UNC5D: variants seen among roughly 807,000 people sequenced by gnomAD.
UNC5D encodes netrin receptor UNC5D.
A neutral mutation model predicts 105.4 loss-of-function variants in UNC5D; 39 were observed. The ratio of observed to expected loss-of-function variants is 0.37; its 90% CI spans 0.29 to 0.48. The LOEUF is 0.48. Among genes scored for constraint, UNC5D ranks in the 20% least tolerant of loss-of-function variants. The pLI, the probability that UNC5D is intolerant of heterozygous loss-of-function variation, is 0.98. For synonymous variants in UNC5D, 452 were observed against 450.4 expected (o/e 1.00, Z -0.04); for missense variants, 991 against 1,202.4 (o/e 0.82, Z 2.60).
chr8:35,635,574 A>G (rs1388314629), intron 4 of UNC5D, among the ~76,000 whole-genome samples: 3 of 152,126 alleles, frequency 2.0e-5, no homozygotes, highest in Admixed American at 1.3e-4. Flanking sequence ...AAATCATTTT[A>G]ACAACACTGA....
Position 35,426,159 on chromosome 8 carries a change from AT to A in UNC5D, c.104-123132del, listed in dbSNP as rs1367309656. On this transcript the variant is annotated intron_variant, in intron 1 of 16. Coordinates refer to ENST00000404895, the MANE Select transcript of UNC5D (RefSeq NM_080872.4). Reference sequence around the variant, plus strand: ...ATAAGAACTCTTCAAGTGTTTGACAATAAGACGTGGATTCTTCCCACCACCA... The same window carrying A: ...ATAAGAACTCTTCAAGTGTTTGACAAAAGACGTGGATTCTTCCCACCACCA... Among the ~76,000 whole-genome samples the A allele has an allele frequency of 5.3e-5, 8 of 152,268 alleles. No homozygotes were observed. The East Asian group carries it at 1.5e-3, about 29-fold the overall frequency.
chr8:35,753,219 T>A (rs1008518567), intron 13 of UNC5D, among the ~76,000 whole-genome samples: 1 of 152,180 alleles, frequency 6.6e-6, no homozygotes, highest in African/African-American at 2.4e-5. Flanking sequence ...AGGGAGAATG[T>A]TATTCTCCCT....
chr8:35,542,100 C>T (rs758718652), intron 1 of UNC5D, among the ~76,000 whole-genome samples: 8 of 152,168 alleles, frequency 5.3e-5, no homozygotes, highest in South Asian at 2.1e-4. Flanking sequence ...TGATATAAAA[C>T]GCTTCCATTT....
chr8:35,486,807 C>T (rs954764735), intron 1 of UNC5D, among the ~76,000 whole-genome samples: 9 of 152,040 alleles, frequency 5.9e-5, no homozygotes, highest in African/African-American at 9.7e-5. Flanking sequence ...GTGGCTACTC[C>T]GTATATTAGT....
At chr8:35,645,115 G>A (rs923327218) in intron 4 of UNC5D, among the ~76,000 whole-genome samples, 2 of 152,048 alleles carry the variant, frequency 1.3e-5, no homozygotes, top group African/African-American at 4.8e-5. Context: ...GTTCACACAC[G>A]CAGATTACAA....
intron 11 of UNC5D, among the ~76,000 whole-genome samples, chr8:35,743,508 C>A (rs1829862476): frequency 6.6e-6 from 1 of 151,688 alleles, no homozygotes; most frequent in African/African-American, 2.4e-5. Context: ...GAACTCCTGA[C>A]CTCGAGTGAT....
chr8:35,506,529 A>T (rs1047178070), intron 1 of UNC5D, among the ~76,000 whole-genome samples: 1 of 152,250 alleles, frequency 6.6e-6, no homozygotes, highest in Admixed American at 6.5e-5. Context: ...ATAATCATTC[A>T]GTGTCAGAGA....
chr8:35,494,789 C>A (rs914643332), intron 1 of UNC5D, among the ~76,000 whole-genome samples: 3 of 152,092 alleles, frequency 2.0e-5, no homozygotes, highest in Non-Finnish European at 4.4e-5. Flanking sequence ...GATTTTAGTT[C>A]TTTATCTTTC....
intron 4 of UNC5D, among the ~76,000 whole-genome samples, chr8:35,678,416 A>C (rs1253054112): frequency 1.3e-5 from 2 of 152,230 alleles, no homozygotes; most frequent in Non-Finnish European, 2.9e-5. Flanking sequence ...ACTGTGCTAC[A>C]TGATAAATAA....
intron 1 of UNC5D, among the ~76,000 whole-genome samples, chr8:35,462,378 A>G (rs1387265615): frequency 1.3e-5 from 2 of 152,166 alleles, no homozygotes; most frequent in Non-Finnish European, 2.9e-5. Flanking sequence ...TAATTTATAA[A>G]TATGGTAGAT....
At chr8:35,607,672 A>C (rs2130961265) in intron 4 of UNC5D, among the ~76,000 whole-genome samples, 1 of 152,216 alleles carries the variant, frequency 6.6e-6, no homozygotes, top group South Asian at 2.1e-4. Context: ...TAGTTTTATA[A>C]GGGGCTTTTT....
At chr8:35,369,951 CCT>C (rs1802334442) in intron 1 of UNC5D, among the ~76,000 whole-genome samples, 1 of 151,948 alleles carries the variant, frequency 6.6e-6, no homozygotes, top group African/African-American at 2.4e-5. Context: ...ACCTTTGTAT[CCT>C]CTCTCCTTCC....
intron 1 of UNC5D, among the ~76,000 whole-genome samples, chr8:35,239,519 T>G (rs937723729): frequency 2.6e-5 from 4 of 151,224 alleles, no homozygotes; most frequent in Admixed American, 6.6e-5. Flanking sequence ...ATATCTAGGC[T>G]AGAGACTCAG....
chr8:35,472,119 A>G (rs1395473865), intron 1 of UNC5D, among the ~76,000 whole-genome samples: 2 of 152,344 alleles, frequency 1.3e-5, no homozygotes, highest in Admixed American at 6.5e-5. Context: ...GATCAAATCT[A>G]TTGTAAGAAG....
intron 1 of UNC5D, among the ~76,000 whole-genome samples, chr8:35,296,482 C>T (rs57265993): frequency 0.1 from 15,251 of 152,086 alleles, 888 homozygotes; most frequent in East Asian, 0.21. Context: ...TGCAGTGGCA[C>T]AATCTCGGCT....
chr8:35,696,014 T>C (rs547674224), intron 7 of UNC5D, among the ~76,000 whole-genome samples: 17 of 152,028 alleles, frequency 1.1e-4, no homozygotes, highest in South Asian at 6.2e-4. Context: ...GGATTACAGG[T>C]GGTAGAAAAT....
intron 9 of UNC5D, chr8:35,724,084 C>T (rs16884304): frequency 0.018 from 24,500 of 1,351,414 alleles, 1,111 homozygotes; most frequent in African/African-American, 0.17. Context: ...CAGCGTGTTC[C>T]GTGGAGCACC....
At chr8:35,371,025 A>T (rs1802399849) in intron 1 of UNC5D, among the ~76,000 whole-genome samples, 1 of 152,150 alleles carries the variant, frequency 6.6e-6, no homozygotes, top group East Asian at 1.9e-4. Context: ...GCAGTTCAAT[A>T]CAGCAAGACC....
At chr8:35,682,003 C>T (rs1586420867) in intron 4 of UNC5D, among the ~76,000 whole-genome samples, 2 of 152,258 alleles carry the variant, frequency 1.3e-5, no homozygotes, top group African/African-American at 2.4e-5. Flanking sequence ...CTCGCTCTGT[C>T]GCCCAGGCTG....
Sources: gnomAD v4.1 joint callset for allele counts (sites outside exome capture counted in the v4.1 genomes callset) on GRCh38, gnomAD v4.1.1 for gene constraint, MANE v1.5 for transcripts, NCBI Gene and HGNC (gene_info 2026-07-23, HGNC 2026-07-21) for gene names.